SENP2: variants seen among roughly 807,000 people sequenced by gnomAD.
SENP2 encodes SUMO specific peptidase 2.
Under a neutral mutation model 86.3 loss-of-function variants are expected in SENP2, and 16 were observed. The ratio of observed to expected loss-of-function variants is 0.19; its 90% CI spans 0.13 to 0.28. The LOEUF is 0.28. Among genes scored for constraint, SENP2 ranks in the 10% least tolerant of loss-of-function variants. SENP2 has a pLI of 1.00. For synonymous variants in SENP2, 222 were observed against 238.7 expected (o/e 0.93, Z 0.64); for missense variants, 552 against 703.0 (o/e 0.79, Z 2.43).
chr3:185,586,578 G>A lies in SENP2; in HGVS notation c.101+64G>A, dbSNP rs1721790404. Reference sequence around the variant, plus strand: ...CCCCTCCCCCACAGCGGGCTCCTCGGCCGTGATAGCTTTGATTCAGCCAGG... The same window carrying A: ...CCCCTCCCCCACAGCGGGCTCCTCGACCGTGATAGCTTTGATTCAGCCAGG... On this transcript the variant is annotated intron_variant, in intron 1 of 16. Transcript: ENST00000296257. The surrounding 1 kb of genome is among the most constrained non-coding windows in gnomAD (Gnocchi z 4.3). The A allele has an allele frequency of 4.1e-6, 6 of 1,471,942 alleles. No homozygotes were observed. The highest frequency in any genetic ancestry group is 5.6e-6 in the Non-Finnish European group (6 of 1,063,204). 91.2% of individuals were successfully genotyped at this position (1,471,942 alleles called of 1,614,324 possible).
chr3:185,609,568 A>C (rs1722619681), intron 7 of SENP2, among the ~76,000 whole-genome samples: 1 of 152,088 alleles, frequency 6.6e-6, no homozygotes, highest in African/African-American at 2.4e-5. Context: ...TGTTCAAGTA[A>C]ACTTTTACTT....
Position 185,586,616 on chromosome 3 carries a change from AG to A in SENP2, c.101+104del. 1.8e-6 allele frequency: 2 copies of A among 1,115,124 alleles called. No homozygotes were observed. Among genetic ancestry groups the A allele is most frequent in the Non-Finnish European group, 2.6e-6 (2 of 759,926 alleles). 69.1% of individuals were successfully genotyped at this position (1,115,124 alleles called of 1,614,324 possible). A position where few individuals can be genotyped will look rare whatever the true frequency, so the allele number is the denominator to read the frequency against. On this transcript the variant is annotated intron_variant, in intron 1 of 16. Coordinates refer to ENST00000296257, the MANE Select transcript of SENP2 (RefSeq NM_021627.3). This position sits in a 1 kb window ranked among gnomAD's most constrained non-coding sequence, Gnocchi z 4.3. ...TGATTCAGCCAGGCTCACCCGAAAC[AG>A]GTCGCCGGGATCCTAGTGACGTAGT...
At chr3:185,597,220 G>A (rs1370185756) in intron 2 of SENP2, among the ~76,000 whole-genome samples, 2 of 152,124 alleles carry the variant, frequency 1.3e-5, no homozygotes, top group Non-Finnish European at 2.9e-5. Context: ...TTGAGTGTGT[G>A]TGTGTGTGTG....
intron 14 of SENP2, among the ~76,000 whole-genome samples, chr3:185,623,620 C>A (rs1711992642): frequency 6.6e-6 from 1 of 151,772 alleles, no homozygotes; most frequent in South Asian, 2.1e-4. Flanking sequence ...CTCAGGAGAT[C>A]GAGACCATCC....
rs35589727 is a variant in SENP2, at chr3:185,598,532, C to T, written c.278C>T (p.Ala93Val). Residue 93 changes from alanine to valine, a missense_variant, in exon 3 of 17, where the codon GCC becomes GTC. Transcript: ENST00000296257. ...GCTTGTAATGGAACACGGAATGTGG[C>T]CCCTTCAGGAGAGGTCAGTGGGGAT... ...TSACNGTRNV[A>V]PSGEVFSNSS... is the part of the protein sequence containing the mutation. 1.9e-6 allele frequency: 3 copies of T among 1,613,868 alleles called. No individual in the cohort carries two copies. The highest frequency in any genetic ancestry group is 1.6e-4 in the Middle Eastern group (1 of 6,084).
At chr3:185,606,794 G>A (rs2148987340) in intron 6 of SENP2, 3 of 523,736 alleles carry the variant, frequency 5.7e-6, no homozygotes, top group South Asian at 4.9e-5. Context: ...GTCTGTGACA[G>A]GATCAAGCAT....
chr3:185,612,585 C>A, intron 8 of SENP2, 22 bp from the exon 9 acceptor site: 1 of 1,573,474 alleles, frequency 6.4e-7, no homozygotes, highest in Non-Finnish European at 8.7e-7. Flanking sequence ...AACATTTAAT[C>A]TTTTCTTTAC....
chr3:185,629,064 G>A (rs937396686), intron 16 of SENP2, among the ~76,000 whole-genome samples: 2 of 152,146 alleles, frequency 1.3e-5, no homozygotes, highest in African/African-American at 4.8e-5. Flanking sequence ...ACGCCTGGTA[G>A]AGCAGAAAGA....
At chr3:185,600,943 G>A (rs1305800571) in intron 5 of SENP2, 88 bp downstream of exon 5, 1 of 907,220 alleles carries the variant, frequency 1.1e-6, no homozygotes, top group African/African-American at 1.7e-5. Flanking sequence ...GTTGTATTAT[G>A]TAGTCCTGCT....
rs1712498422 is a variant in SENP2 at position 185,631,965 on chromosome 3, T to C, written c.*2121T>C. 1 of 151,636 alleles carries C rather than the reference T, an allele frequency of 6.6e-6. No individual in the cohort carries two copies. The highest frequency in any genetic ancestry group is 6.6e-5 in the Admixed American group (1 of 15,230). 9.4% of individuals were successfully genotyped at this position (151,636 alleles called of 1,614,324 possible). Reference sequence around the variant, plus strand: ...TTAAAACTTGCAGGACATAATGAAATTGGGAAGAGCAGAGTGTTGAAGTCT... The same window carrying C: ...TTAAAACTTGCAGGACATAATGAAACTGGGAAGAGCAGAGTGTTGAAGTCT... On this transcript the variant is annotated 3_prime_UTR_variant, in exon 17 of 17. Coordinates refer to ENST00000296257, the MANE Select transcript of SENP2 (RefSeq NM_021627.3).
chr3:185,620,009 C>T (rs1258095870), intron 13 of SENP2, among the ~76,000 whole-genome samples: 5 of 151,700 alleles, frequency 3.3e-5, no homozygotes, highest in African/African-American at 1.2e-4. Flanking sequence ...GTTGGTATTA[C>T]AGGTGTGAGC....
chr3:185,605,104 C>T (rs901857155), intron 5 of SENP2, among the ~76,000 whole-genome samples: 1 of 151,314 alleles, frequency 6.6e-6, no homozygotes, highest in South Asian at 2.1e-4. Flanking sequence ...GGCGTGGTGG[C>T]TCACGCCTGT....
chr3:185,597,042 C>T (rs560905948), intron 2 of SENP2, among the ~76,000 whole-genome samples: 128 of 152,082 alleles, frequency 8.4e-4, no homozygotes, highest in Admixed American at 2.8e-3. Context: ...TTTTTAGAGA[C>T]GGGATTTCAC....
chr3:185,603,455 A>G (rs745394414), intron 5 of SENP2, among the ~76,000 whole-genome samples: 13 of 152,336 alleles, frequency 8.5e-5, no homozygotes, highest in Non-Finnish European at 1.5e-4. Context: ...ATAGGCCTGT[A>G]TTCATTAAAA....
rs1228684949 is a variant in SENP2, at chr3:185,631,289, C to G, written c.*1445C>G. 1 of 151,998 alleles carries G rather than the reference C, an allele frequency of 6.6e-6. No individual in the cohort carries two copies. The highest frequency in any genetic ancestry group is 2.1e-4 in the South Asian group (1 of 4,808). 9.4% of individuals were successfully genotyped at this position (151,998 alleles called of 1,614,324 possible). A position where few individuals can be genotyped will look rare whatever the true frequency, so the allele number is the denominator to read the frequency against. ...CTGGTTACAGCTATTGCAGCCAGTT[C>G]CCTGAGACTTGTAAAACTCCTGGTT... On this transcript the variant is annotated 3_prime_UTR_variant, in exon 17 of 17. Transcript: ENST00000296257.
chr3:185,613,532 TA>T, intron 10 of SENP2, 124 bp downstream of exon 10: 1 of 582,888 alleles, frequency 1.7e-6, no homozygotes, highest in Non-Finnish European at 2.9e-6. Context: ...TGTTTTTCTT[TA>T]AAAAAGCAGC....
At chr3:185,611,431 A>G (rs1236957826) in intron 7 of SENP2, 1 of 388,440 alleles carries the variant, frequency 2.6e-6, no homozygotes, top group Non-Finnish European at 4.7e-6. Flanking sequence ...TTTTACAAAC[A>G]GAGAAACTGG....
chr3:185,621,930 T>A, intron 14 of SENP2, 25 bp downstream of exon 14: 2 of 1,468,150 alleles, frequency 1.4e-6, no homozygotes, highest in Non-Finnish European at 1.9e-6. Flanking sequence ...AAAACCTCAC[T>A]ACCCCCTGTT....
chr3:185,598,834 C>T (rs1722256317), intron 3 of SENP2, 124 bp from the exon 4 acceptor site: 3 of 736,584 alleles, frequency 4.1e-6, no homozygotes, highest in African/African-American at 1.8e-5. Context: ...ACAAGTTAAA[C>T]CTTAGGTCTT....
Sources: allele counts gnomAD v4.1 joint callset (sites outside exome capture counted in the v4.1 genomes callset), GRCh38; gene constraint gnomAD v4.1.1; non-coding constraint Gnocchi (gnomAD v3.1); transcripts MANE v1.5; gene names NCBI Gene and HGNC (gene_info 2026-07-23, HGNC 2026-07-21).